PIK3C2G: variants seen among roughly 807,000 people sequenced by gnomAD.
PIK3C2G encodes phosphatidylinositol 3-kinase C2 domain-containing subunit gamma.
In PIK3C2G, 168 loss-of-function variants were observed where a neutral mutation model predicts 181.1. The observed-to-expected ratio is 0.93, with a 90% CI of 0.82 to 1.05. PIK3C2G has a LOEUF of 1.05. PIK3C2G is among the 50% of genes least tolerant of loss of function. The probability of loss-of-function intolerance (pLI) is 0.00; values close to 1 mark genes in which losing one functional copy is unlikely to be tolerated. For synonymous variants in PIK3C2G, 573 were observed against 592.2 expected (o/e 0.97, Z 0.47); for missense variants, 1,869 against 1,732.8 (o/e 1.08, Z -1.40).
chr12:18,363,314 GTT>G (rs531991021), intron 12 of PIK3C2G, among the ~76,000 whole-genome samples: 2 of 152,016 alleles, frequency 1.3e-5, no homozygotes, highest in African/African-American at 4.8e-5. Context: ...AAACAATCAA[GTT>G]TTTTTGACAA....
chr12:18,670,790 C>A, the PIK3C2G span, among the ~76,000 whole-genome samples: 1 of 152,156 alleles, frequency 6.6e-6, no homozygotes, highest in African/African-American at 2.4e-5. Flanking sequence ...TCCAGAATAA[C>A]CAATGTTTAC....
chr12:18,333,451 C>T (rs374721628), intron 8 of PIK3C2G, among the ~76,000 whole-genome samples: 1 of 152,040 alleles, frequency 6.6e-6, no homozygotes, highest in East Asian at 1.9e-4. Flanking sequence ...CCCCACCCAC[C>T]GACAGGCCCG....
chr12:18,548,141 A>G (rs768669325), intron 26 of PIK3C2G, among the ~76,000 whole-genome samples: 2 of 151,982 alleles, frequency 1.3e-5, no homozygotes, highest in African/African-American at 2.4e-5. Flanking sequence ...GTATCCCTTC[A>G]GGAGAGGATC....
intron 1 of PIK3C2G, among the ~76,000 whole-genome samples, chr12:18,275,642 A>G (rs564183495): frequency 1.3e-5 from 2 of 152,002 alleles, no homozygotes; most frequent in East Asian, 3.9e-4. Flanking sequence ...CGGCCTCCCA[A>G]AGTGCTGGGA....
At chr12:18,329,233 C>G (rs1565603961) in intron 8 of PIK3C2G, among the ~76,000 whole-genome samples, 1 of 151,914 alleles carries the variant, frequency 6.6e-6, no homozygotes, top group Non-Finnish European at 1.5e-5. Flanking sequence ...GAAGGAATAA[C>G]ATGATCTGAC....
intron 21 of PIK3C2G, among the ~76,000 whole-genome samples, chr12:18,496,989 A>G (rs188956188): frequency 1.0e-3 from 158 of 152,292 alleles, no homozygotes; most frequent in African/African-American, 3.6e-3. Flanking sequence ...TTATTTGTTT[A>G]AAAGGATAGA....
At chr12:18,615,330 GGTGTGTGTGTGTGT>G (rs3055216) in intron 31 of PIK3C2G, among the ~76,000 whole-genome samples, 1 of 138,140 alleles carries the variant, frequency 7.2e-6, no homozygotes, top group Non-Finnish European at 1.5e-5. Flanking sequence ...AGTATTCCAC[GGTGTGTGTGTGTGT>G]GTGTGTGTGT....
intron 30 of PIK3C2G, among the ~76,000 whole-genome samples, chr12:18,599,346 T>C (rs1226900645): frequency 6.6e-6 from 1 of 152,098 alleles, no homozygotes; most frequent in Non-Finnish European, 1.5e-5. Flanking sequence ...ATGTCCTTTG[T>C]AGGGACATGG....
chr12:18,671,668 G>A, the PIK3C2G span, among the ~76,000 whole-genome samples: 1 of 152,080 alleles, frequency 6.6e-6, no homozygotes, highest in Non-Finnish European at 1.5e-5. Context: ...TTTCATTATT[G>A]CAGACAATTT....
chr12:18,446,022 A>C (rs938098608), intron 18 of PIK3C2G, among the ~76,000 whole-genome samples: 1 of 152,188 alleles, frequency 6.6e-6, no homozygotes, highest in East Asian at 1.9e-4. Context: ...ACCTAGATAC[A>C]TTGCCTATTT....
chr12:18,510,939 C>T (rs1379182150), intron 24 of PIK3C2G, among the ~76,000 whole-genome samples: 6 of 152,028 alleles, frequency 3.9e-5, no homozygotes, highest in Admixed American at 3.9e-4. Context: ...AAAGTCTATT[C>T]CTACTGTCTA....
At position 18,448,070 on chromosome 12, in the gene PIK3C2G, C is replaced by T. The variant is rs114846418; in HGVS notation, c.2504+24031C>T. Among the ~76,000 whole-genome samples, 1,217 of 151,896 alleles carry T rather than the reference C, an allele frequency of 8.0e-3. 16 individuals carry two copies. The highest frequency in any genetic ancestry group is 0.028 in the African/African-American group (1,148 of 41,456). On this transcript the variant is annotated intron_variant, in intron 18 of 32. Transcript: ENST00000538779. ...TGTAAACTAAGGTCCTAAAATGTAA[C>T]GAAGAATATTCAATAACATAACTCT...
At chr12:18,331,698 T>G (rs1265361772) in intron 8 of PIK3C2G, among the ~76,000 whole-genome samples, 1 of 152,092 alleles carries the variant, frequency 6.6e-6, no homozygotes, top group Non-Finnish European at 1.5e-5. Flanking sequence ...CAATAGGATT[T>G]TACAAGTAGT....
chr12:18,441,637 A>T (rs1946753260), intron 18 of PIK3C2G, among the ~76,000 whole-genome samples: 1 of 152,116 alleles, frequency 6.6e-6, no homozygotes, highest in Non-Finnish European at 1.5e-5. Flanking sequence ...AGTTGCCTGT[A>T]GAGTGAAGGA....
chr12:18,552,557 T>C (rs925740320), intron 26 of PIK3C2G, among the ~76,000 whole-genome samples: 3 of 152,054 alleles, frequency 2.0e-5, no homozygotes, highest in Non-Finnish European at 4.4e-5. Flanking sequence ...AATCAAGAAG[T>C]CCAGCTTTTC....
At chr12:18,504,348 T>G (rs959554598) in intron 23 of PIK3C2G, among the ~76,000 whole-genome samples, 8 of 152,246 alleles carry the variant, frequency 5.3e-5, no homozygotes, top group Non-Finnish European at 8.8e-5. Flanking sequence ...ACTTCAGTTT[T>G]GCATTAATCC....
At position 18,356,035 on chromosome 12, in the gene PIK3C2G, C is replaced by G. The variant is rs34498245; in HGVS notation, c.1626-6729C>G. 6.1e-3 allele frequency among the ~76,000 whole-genome samples: 925 copies of G among 152,264 alleles called. 4 individuals carry two copies. Among genetic ancestry groups the G allele is most frequent in the Non-Finnish European group, 0.01 (696 of 68,022 alleles). ...CCTTCCGGCAATACTGAGGAGTGGCCTTGGCAAGAGGCCTTCAGTTTCCCC... is the reference window on the plus strand; with the variant it reads ...CCTTCCGGCAATACTGAGGAGTGGCGTTGGCAAGAGGCCTTCAGTTTCCCC... On this transcript the variant is annotated intron_variant, in intron 11 of 32. Transcript: ENST00000538779.
At chr12:18,345,088 C>T (rs1939542597) in intron 10 of PIK3C2G, among the ~76,000 whole-genome samples, 1 of 152,084 alleles carries the variant, frequency 6.6e-6, no homozygotes, top group African/African-American at 2.4e-5. Flanking sequence ...TGTTCACTTG[C>T]ACAATGTTGG....
chr12:18,638,070 G>A (rs1949682149), intron 31 of PIK3C2G, among the ~76,000 whole-genome samples: 2 of 152,260 alleles, frequency 1.3e-5, no homozygotes, highest in East Asian at 3.9e-4. Context: ...ATTTCTGTCT[G>A]TAAGAATTAG....
Sources: allele counts gnomAD v4.1 joint callset (sites outside exome capture counted in the v4.1 genomes callset), GRCh38; gene constraint gnomAD v4.1.1; transcripts MANE v1.5; gene names NCBI Gene and HGNC (gene_info 2026-07-23, HGNC 2026-07-21).